Variants in SEC24B observed in about 807,000 individuals in gnomAD.
The protein encoded by SEC24B is SEC24 homolog B, COPII component.
In SEC24B, 45 loss-of-function variants were observed where a neutral mutation model predicts 142.8. The observed-to-expected ratio is 0.32, with a 90% CI of 0.25 to 0.40. SEC24B has a LOEUF of 0.40. Ranked by LOEUF, SEC24B falls within the 10% of genes least tolerant of loss-of-function variation. The probability of loss-of-function intolerance (pLI) is 1.00; values close to 1 mark genes in which losing one functional copy is unlikely to be tolerated. For synonymous variants in SEC24B, 574 were observed against 568.2 expected (o/e 1.01, Z -0.15); for missense variants, 1,409 against 1,526.8 (o/e 0.92, Z 1.29).
chr4:109,536,807 G>A (rs992360307), intron 22 of SEC24B, among the ~76,000 whole-genome samples: 7 of 151,808 alleles, frequency 4.6e-5, no homozygotes, highest in Non-Finnish European at 1.0e-4. Context: ...GGGATTACAG[G>A]CGTGAGCCAC....
At chr4:109,535,307 A>G (rs1725397533) in intron 22 of SEC24B, among the ~76,000 whole-genome samples, 1 of 152,152 alleles carries the variant, frequency 6.6e-6, no homozygotes, top group African/African-American at 2.4e-5. Flanking sequence ...TAATCCCAGC[A>G]CTTTGGGAAG....
intron 2 of SEC24B, among the ~76,000 whole-genome samples, chr4:109,464,748 A>G (rs1437445760): frequency 6.6e-6 from 1 of 152,170 alleles, no homozygotes; most frequent in Non-Finnish European, 1.5e-5. Flanking sequence ...TTCTCTGGAC[A>G]ATGAGATTAT....
At chr4:109,451,734 T>C (rs1287815005) in intron 1 of SEC24B, among the ~76,000 whole-genome samples, 2 of 152,178 alleles carry the variant, frequency 1.3e-5, no homozygotes, top group Non-Finnish European at 2.9e-5. Flanking sequence ...TACGGGTGTG[T>C]CACTGCTTCA....
chr4:109,507,935 G>C (rs1197255582), intron 7 of SEC24B, among the ~76,000 whole-genome samples: 2 of 152,124 alleles, frequency 1.3e-5, no homozygotes, highest in African/African-American at 4.8e-5. Context: ...GTGAGCCACT[G>C]TGCCCAGCCT....
Position 109,443,798 on chromosome 4 carries a change from T to C in SEC24B, c.133+9796T>C, listed in dbSNP as rs539379085. 3.3e-5 allele frequency among the ~76,000 whole-genome samples: 5 copies of C among 152,270 alleles called. No individual in the cohort carries two copies. In the South Asian group the frequency reaches 1.0e-3, roughly 32 times the overall value. Reference sequence around the variant, plus strand: ...TAATAGGGAATCTTAAGGGAGGAAGTTAGAACTTCAGCTATATCTAAAATG... The same window carrying C: ...TAATAGGGAATCTTAAGGGAGGAAGCTAGAACTTCAGCTATATCTAAAATG... On this transcript the variant is annotated intron_variant, in intron 1 of 23. Transcript: ENST00000265175.
intron 6 of SEC24B, among the ~76,000 whole-genome samples, chr4:109,501,733 A>G (rs1032838148): frequency 5.3e-5 from 8 of 152,194 alleles, no homozygotes; most frequent in African/African-American, 1.7e-4. Flanking sequence ...CGGCCTCCCA[A>G]AGTGCTGGGA....
intron 17 of SEC24B, 101 bp downstream of exon 17, chr4:109,526,500 A>G: frequency 1.3e-6 from 1 of 779,212 alleles, no homozygotes; most frequent in Non-Finnish European, 2.0e-6. Flanking sequence ...ACACAGTGGG[A>G]AGTAATGGAA....
chr4:109,501,109 T>G (rs1489541799), intron 6 of SEC24B, among the ~76,000 whole-genome samples: 4 of 152,256 alleles, frequency 2.6e-5, no homozygotes. Context: ...CCATTCATAC[T>G]AGGTGTCCTA....
chr4:109,494,468 C>T lies in SEC24B; in HGVS notation c.1247-147C>T, dbSNP rs371820204. 119 of 824,116 alleles carry T rather than the reference C, an allele frequency of 1.4e-4. No individual in the cohort carries two copies. The East Asian group carries it at 2.2e-3, about 15-fold the overall frequency. 51.1% of individuals were successfully genotyped at this position (824,116 alleles called of 1,614,324 possible). On this transcript the variant is annotated intron_variant, in intron 5 of 23. Coordinates refer to ENST00000265175, the MANE Select transcript of SEC24B (RefSeq NM_006323.5). ...TAAGTATATGGGGTTCATCATTCCCCCTACTTTGTGTGTGTCCAAAATTTC... is the reference window on the plus strand; with the variant it reads ...TAAGTATATGGGGTTCATCATTCCCTCTACTTTGTGTGTGTCCAAAATTTC...
intron 2 of SEC24B, among the ~76,000 whole-genome samples, chr4:109,466,506 G>T (rs2125940591): frequency 6.6e-6 from 1 of 152,296 alleles, no homozygotes. Context: ...CGCCTTCCAG[G>T]TTCATGCCGT....
At chr4:109,449,694 CCTT>C (rs1729863082) in intron 1 of SEC24B, among the ~76,000 whole-genome samples, 1 of 151,968 alleles carries the variant, frequency 6.6e-6, no homozygotes. Context: ...TAAGGGCACT[CCTT>C]CTCTCATGGT....
chr4:109,449,413 GTA>G, intron 1 of SEC24B: 1 of 92,270 alleles, frequency 1.1e-5, no homozygotes. Context: ...TTTTTTTTTT[GTA>G]GAGACGGGAT....
chr4:109,474,193 G>T (rs1214421875), intron 3 of SEC24B, among the ~76,000 whole-genome samples: 2 of 152,130 alleles, frequency 1.3e-5, no homozygotes, highest in Non-Finnish European at 2.9e-5. Context: ...AAACCAGTGG[G>T]TATACTGGAA....
intron 4 of SEC24B, among the ~76,000 whole-genome samples, chr4:109,482,975 T>TACACAC (rs1213872850): frequency 7.3e-5 from 4 of 54,972 alleles, no homozygotes; most frequent in African/African-American, 9.3e-5. Context: ...TATATATATA[T>TACACAC]ATATACACAC....
At chr4:109,491,203 T>C in intron 4 of SEC24B, 124 bp from the exon 5 acceptor site, 1 of 656,240 alleles carries the variant, frequency 1.5e-6, no homozygotes. Context: ...TCAATCATTT[T>C]ACTTTTTTAC....
In SEC24B at chr4:109,539,622, G is replaced by T. The variant is rs867158022; in HGVS notation, c.3754G>T (p.Ala1252Ser). ...QHLIEDRTEA[A>S]FSYYEFLLHV... ...TTTGATTGAAGACCGGACAGAGGCT[G>T]CATTTTCTTACTATGAATTTTTGCT... The change falls in exon 24 of 24, where the codon GCA becomes TCA. Residue 1252 changes from alanine (A) to serine (S), a missense_variant. By Grantham distance (99) the Ala-to-Ser change is moderately conservative. This residue lies in a region of SEC24B where 700 missense variants were observed against 853.3 expected (regional missense o/e 0.82). Transcript: ENST00000265175. 1.2e-6 allele frequency: 2 copies of T among 1,613,906 alleles called. No homozygotes were observed. Among genetic ancestry groups the T allele is most frequent in the Non-Finnish European group, 1.7e-6 (2 of 1,179,878 alleles).
At chr4:109,468,801 G>A (rs899664747) in intron 2 of SEC24B, among the ~76,000 whole-genome samples, 1 of 152,194 alleles carries the variant, frequency 6.6e-6, no homozygotes, top group Non-Finnish European at 1.5e-5. Context: ...TTTCTAGCTT[G>A]AACAACTTGA....
chr4:109,483,003 C>CACATATACACACACACAT (rs1408633373), intron 4 of SEC24B, among the ~76,000 whole-genome samples: 3 of 84,108 alleles, frequency 3.6e-5, no homozygotes, highest in African/African-American at 2.5e-4. Flanking sequence ...CACACACACA[C>CACATATACACACACACAT]ATATTATACA....
intron 4 of SEC24B, 88 bp from the exon 5 acceptor site, chr4:109,491,239 G>C: frequency 2.0e-6 from 2 of 995,894 alleles, no homozygotes; most frequent in Non-Finnish European, 3.1e-6. Flanking sequence ...TCCTAGTTCC[G>C]CAAAAACATC....
Sources: allele counts gnomAD v4.1 joint callset (sites outside exome capture counted in the v4.1 genomes callset), GRCh38; gene constraint gnomAD v4.1.1; regional missense constraint gnomAD v4.1.1; transcripts MANE v1.5; gene names NCBI Gene and HGNC (gene_info 2026-07-23, HGNC 2026-07-21).